FSD2: variants seen among roughly 807,000 people sequenced by gnomAD.
FSD2 encodes fibronectin type III and SPRY domain containing 2, also known as fibronectin type III and SPRY domain-containing protein 2.
Under a neutral mutation model 80.4 loss-of-function variants are expected in FSD2, and 71 were observed. The observed-to-expected ratio is 0.88, with a 90% CI of 0.73 to 1.08. FSD2 has a LOEUF of 1.08. FSD2 is among the 50% of genes least tolerant of loss of function. The probability of loss-of-function intolerance (pLI) is 0.00; values close to 1 mark genes in which losing one functional copy is unlikely to be tolerated. For synonymous variants in FSD2, 361 were observed against 329.5 expected, an observed-to-expected ratio of 1.10 and a Z score of -1.03; for missense variants, 923 against 913.8, an observed-to-expected ratio of 1.01 and a Z score of -0.13.
intron 6 of FSD2, among the ~76,000 whole-genome samples, chr15:82,777,374 C>T (rs2049738595): frequency 6.6e-6 from 1 of 152,154 alleles, no homozygotes; most frequent in South Asian, 2.1e-4. Context: ...AACTCAATAG[C>T]AAAAATCCAA....
At position 82,764,151 on chromosome 15, in the gene FSD2, G is replaced by A. The variant is rs1401396187; in HGVS notation, c.1820+1015C>T. ...GACCCCTGTGAAGCAGGAGAACAGG[G>A]TCTGGGGGCAGGGAACCTAAGGACT... On this transcript the variant is annotated intron_variant, in intron 11 of 12. Transcript: ENST00000334574. 3.9e-5 allele frequency among the ~76,000 whole-genome samples: 6 copies of A among 152,172 alleles called. No individual in the cohort carries two copies. In the East Asian group the frequency reaches 9.6e-4, roughly 24 times the overall value.
chr15:82,784,610 G>A (rs189241046), intron 3 of FSD2, among the ~76,000 whole-genome samples: 113 of 152,220 alleles, frequency 7.4e-4, no homozygotes, highest in African/African-American at 2.6e-3. Context: ...CCTATGCTTG[G>A]CAGTGGAAGG....
intron 6 of FSD2, among the ~76,000 whole-genome samples, chr15:82,776,570 A>C (rs1252483488): frequency 1.3e-5 from 2 of 152,222 alleles, no homozygotes; most frequent in African/African-American, 4.8e-5. Context: ...TAAAACACTG[A>C]TGAAAGAAAT....
At chr15:82,784,606 C>CT (rs2049953016) in intron 3 of FSD2, among the ~76,000 whole-genome samples, 1 of 152,178 alleles carries the variant, frequency 6.6e-6, no homozygotes, top group Non-Finnish European at 1.5e-5. Context: ...CTACCCTATG[C>CT]TTGGCAGTGG....
At chr15:82,770,000 C>T in intron 7 of FSD2, 116 bp from the exon 8 acceptor site, 1 of 1,092,212 alleles carries the variant, frequency 9.2e-7, no homozygotes, top group Non-Finnish European at 1.3e-6. Flanking sequence ...CCTCCCATCC[C>T]TGTATGCACT....
At chr15:82,762,325 C>G (rs1296046760) in intron 11 of FSD2, 47 bp from the exon 12 acceptor site, 1 of 1,588,146 alleles carries the variant, frequency 6.3e-7, no homozygotes, top group Admixed American at 1.7e-5. Flanking sequence ...TGCCCCAAGC[C>G]TGGCTGTGCA....
chr15:82,767,831 C>A (rs1050104838), intron 9 of FSD2, among the ~76,000 whole-genome samples: 3 of 152,316 alleles, frequency 2.0e-5, no homozygotes, highest in Middle Eastern at 3.4e-3. Flanking sequence ...TGGCATTTAG[C>A]ATAGAAGAAT....
intron 3 of FSD2, among the ~76,000 whole-genome samples, chr15:82,785,137 A>G (rs1294195403): frequency 6.6e-6 from 1 of 151,996 alleles, no homozygotes; most frequent in Non-Finnish European, 1.5e-5. Flanking sequence ...CTTCTATCTC[A>G]GTCGTCTTGG....
chr15:82,772,804 C>T (rs1184086573), intron 6 of FSD2, among the ~76,000 whole-genome samples: 16 of 152,228 alleles, frequency 1.1e-4, no homozygotes, highest in Admixed American at 1.0e-3. Context: ...GTCTCACACA[C>T]ACAACCAAGA....
At chr15:82,800,914 G>C (rs1481963970) in intron 1 of FSD2, among the ~76,000 whole-genome samples, 2 of 151,936 alleles carry the variant, frequency 1.3e-5, no homozygotes, top group Admixed American at 6.6e-5. Context: ...CCCTGGGGTG[G>C]TGATTTAAAA....
At chr15:82,802,157 T>A (rs751577610) in intron 1 of FSD2, among the ~76,000 whole-genome samples, 13 of 152,064 alleles carry the variant, frequency 8.5e-5, no homozygotes, top group Non-Finnish European at 1.6e-4. Context: ...GCTGGAGAAG[T>A]GTGGCTTCAA....
chr15:82,782,797 T>A lies in FSD2; in HGVS notation c.964A>T (p.Lys322Ter). 6.3e-7 allele frequency: 1 copy of A among 1,599,502 alleles called. No homozygotes were observed. The highest frequency in any genetic ancestry group is 8.5e-7 in the Non-Finnish European group (1 of 1,172,256). Residue 322 changes from lysine to a stop codon, truncating the protein, a stop_gained and splice_region_variant, in exon 4 of 13, where the codon AAG becomes TAG. Coordinates refer to ENST00000334574, the MANE Select transcript of FSD2 (RefSeq NM_001007122.4). LOFTEE classifies it high-confidence loss of function. The stretch of plus-strand genomic sequence containing the variant: ...TTTCATTTTGTTTCATTACTGACCT[T>A]TATGAAATCCACCTTCTCCTCGTGA... Reference protein sequence around the residue: ...MCHEEKVDFIKDAVAMADRLG... With the variant: ...MCHEEKVDFI
intron 11 of FSD2, among the ~76,000 whole-genome samples, chr15:82,763,845 C>T (rs1286049844): frequency 6.6e-6 from 1 of 152,198 alleles, no homozygotes; most frequent in African/African-American, 2.4e-5. Flanking sequence ...ACTGGACTTT[C>T]TCCGACTTTC....
In FSD2 at chr15:82,765,922, C is replaced by T. The variant is rs751846016; in HGVS notation, c.1663G>A (p.Glu555Lys). Residue 555 changes from glutamate (E) to lysine (K), a missense_variant, in exon 10 of 13, where the codon GAG becomes AAG. By Grantham distance (56) the Glu-to-Lys change is moderately conservative (BLOSUM62 1). Coordinates refer to ENST00000334574, the MANE Select transcript of FSD2 (RefSeq NM_001007122.4). ...LNMGGPSVRS[E>K]PATVHTIGSY... ...CCTATGGTGTGGACTGTAGCTGGCT[C>T]GCTCCTCACGCTGGGGCCCCCCATA... is the stretch of plus-strand genomic sequence containing the variant. 3.9e-5 allele frequency: 62 copies of T among 1,609,954 alleles called. No homozygotes were observed. The highest frequency in any genetic ancestry group is 3.7e-4 in the South Asian group (33 of 90,008).
At chr15:82,775,913 T>G (rs987757687) in intron 6 of FSD2, among the ~76,000 whole-genome samples, 4 of 152,240 alleles carry the variant, frequency 2.6e-5, no homozygotes, top group Admixed American at 1.3e-4. Context: ...AGGAGTGTGT[T>G]GTGTAATTTC....
At chr15:82,778,001 T>C (rs1175780153) in intron 6 of FSD2, among the ~76,000 whole-genome samples, 6 of 150,052 alleles carry the variant, frequency 4.0e-5, no homozygotes, top group African/African-American at 1.5e-4. Flanking sequence ...CTGGTTGTGG[T>C]GGTGTGTGCC....
intron 1 of FSD2, among the ~76,000 whole-genome samples, chr15:82,800,552 C>T (rs1017532052): frequency 6.6e-6 from 1 of 151,626 alleles, no homozygotes; most frequent in Non-Finnish European, 1.5e-5. Context: ...ATTAGCTGGG[C>T]GTCGTGGTGG....
chr15:82,770,602 T>C (rs2049543837), intron 7 of FSD2, among the ~76,000 whole-genome samples: 1 of 151,978 alleles, frequency 6.6e-6, no homozygotes, highest in South Asian at 2.1e-4. Flanking sequence ...ACCCGGGAAG[T>C]GGAGGTTGCA....
intron 1 of FSD2, among the ~76,000 whole-genome samples, chr15:82,794,182 T>A (rs2050209852): frequency 6.6e-6 from 1 of 152,154 alleles, no homozygotes; most frequent in African/African-American, 2.4e-5. Context: ...GTTATCTTCA[T>A]GTCTATTCAT....
Sources: gnomAD v4.1 joint callset for allele counts (sites outside exome capture counted in the v4.1 genomes callset) on GRCh38, gnomAD v4.1.1 for gene constraint, MANE v1.5 for transcripts, NCBI Gene and HGNC (gene_info 2026-07-23, HGNC 2026-07-21) for gene names.